SYT13: variants seen among roughly 807,000 people sequenced by gnomAD.
SYT13 encodes the protein synaptotagmin-13.
In SYT13, 21 loss-of-function variants were observed where a neutral mutation model predicts 38.6. The ratio of observed to expected loss-of-function variants is 0.54; its 90% CI spans 0.39 to 0.78. The LOEUF (loss-of-function observed/expected upper bound fraction) is 0.78, where lower values mean the gene tolerates loss of function less well. Among genes scored for constraint, SYT13 ranks in the 30% least tolerant of loss-of-function variants. The probability of loss-of-function intolerance (pLI) is 0.00; values close to 1 mark genes in which losing one functional copy is unlikely to be tolerated. For synonymous variants in SYT13, 241 were observed against 237.6 expected, an observed-to-expected ratio of 1.01 and a Z score of -0.13; for missense variants, 495 against 548.7, an observed-to-expected ratio of 0.90 and a Z score of 0.98.
chr11:45,251,777 C>A (rs1012238815), intron 4 of SYT13, among the ~76,000 whole-genome samples: 1 of 152,182 alleles, frequency 6.6e-6, no homozygotes, highest in Admixed American at 6.5e-5. Context: ...TTGTGGCCCC[C>A]CAACAGCAGA....
In SYT13 at chr11:45,286,055, C is replaced by T. The variant is rs573392398; in HGVS notation, c.153G>A (p.Ala51=). 2.5e-6 allele frequency: 4 copies of T among 1,609,556 alleles called. No individual in the cohort carries two copies. Among genetic ancestry groups the T allele is most frequent in the East Asian group, 2.2e-5 (1 of 44,806 alleles). Residue 51 remains alanine (A), a synonymous_variant, in exon 1 of 6, where the codon GCG becomes GCA. Coordinates refer to ENST00000020926, the MANE Select transcript of SYT13 (RefSeq NM_020826.3). The part of the protein sequence containing the change: ...PRDQDPDLEK[A]KPSLLGSAQQ... ...GTGCAGACCCGAGCAAGCTGGGCTTCGCCTTCTCCAGGTCGGGGTCCTGGT... is the reference window on the plus strand; with the variant it reads ...GTGCAGACCCGAGCAAGCTGGGCTTTGCCTTCTCCAGGTCGGGGTCCTGGT...
intron 1 of SYT13, among the ~76,000 whole-genome samples, chr11:45,275,256 G>C (rs576298161): frequency 6.6e-6 from 1 of 152,222 alleles, no homozygotes; most frequent in East Asian, 1.9e-4. Flanking sequence ...AGCATGTCTT[G>C]GACTTAATGA....
chr11:45,286,145 G>A lies in SYT13; in HGVS notation c.63C>T (p.Leu21=), dbSNP rs1313775873. Residue 21 remains leucine (L), a synonymous_variant, in exon 1 of 6, where the codon CTC becomes CTT. Transcript: ENST00000020926. ...ACAGGCAGGTGACCCCGCACAACGCGAGGATGCTGGTGGCTGTGCCCAGCG... is the reference window on the plus strand; with the variant it reads ...ACAGGCAGGTGACCCCGCACAACGCAAGGATGCTGGTGGCTGTGCCCAGCG... ...GATLGTATSI[L]ALCGVTCLCR... 1.9e-6 allele frequency: 3 copies of A among 1,593,804 alleles called. No individual in the cohort carries two copies. The highest frequency in any genetic ancestry group is 2.3e-5 in the East Asian group (1 of 44,222).
intron 1 of SYT13, among the ~76,000 whole-genome samples, chr11:45,278,525 A>G (rs958023826): frequency 6.6e-6 from 1 of 151,856 alleles, no homozygotes; most frequent in Non-Finnish European, 1.5e-5. Flanking sequence ...TTCCTTCGTC[A>G]TGATCCAATG....
intron 1 of SYT13, among the ~76,000 whole-genome samples, chr11:45,271,488 A>G (rs1392087970): frequency 6.6e-6 from 1 of 152,136 alleles, no homozygotes; most frequent in Non-Finnish European, 1.5e-5. Context: ...CATGCTTAGG[A>G]CATGGTGAGT....
At position 45,252,261 on chromosome 11, in the gene SYT13, G is replaced by C. The variant is rs1426044421; in HGVS notation, c.846+160C>G. Among the ~76,000 whole-genome samples, 1 of 152,186 alleles carries C rather than the reference G, an allele frequency of 6.6e-6. No individual in the cohort carries two copies. Among genetic ancestry groups the C allele is most frequent in the Non-Finnish European group, 1.5e-5 (1 of 68,018 alleles). On this transcript the variant is annotated intron_variant, in intron 4 of 5. Coordinates refer to ENST00000020926, the MANE Select transcript of SYT13 (RefSeq NM_020826.3). This position sits in a 1 kb window ranked among gnomAD's most constrained non-coding sequence, Gnocchi z 4.3. ...GATCCTGGGCTATGGGTCTCCTCTA[G>C]CCCTCTGCCCCATTCAAGATTCCAA...
At chr11:45,258,174 C>A (rs1255111648) in intron 1 of SYT13, among the ~76,000 whole-genome samples, 2 of 152,214 alleles carry the variant, frequency 1.3e-5, no homozygotes, top group Non-Finnish European at 2.9e-5. Flanking sequence ...AAGCCCACTG[C>A]CCCCATGGCT....
chr11:45,254,382 G>A lies in SYT13; in HGVS notation c.432C>T (p.Val144=). The A allele has an allele frequency of 6.2e-7, 1 of 1,613,446 alleles. No individual in the cohort carries two copies. Among genetic ancestry groups the A allele is most frequent in the Non-Finnish European group, 8.5e-7 (1 of 1,179,744 alleles). ...PQNGVVEDVC[V]METWNPEKAA... Reference sequence around the variant, plus strand: ...CCTTCTCTGGGTTCCAGGTCTCCATGACACAGACATCCTCCACCACACCTG... The same window carrying A: ...CCTTCTCTGGGTTCCAGGTCTCCATAACACAGACATCCTCCACCACACCTG... Residue 144 remains valine (V), a synonymous_variant, in exon 3 of 6, where the codon GTC becomes GTT. Coordinates refer to ENST00000020926, the MANE Select transcript of SYT13 (RefSeq NM_020826.3).
intron 1 of SYT13, among the ~76,000 whole-genome samples, chr11:45,281,771 A>C (rs1855077248): frequency 6.6e-6 from 1 of 152,174 alleles, no homozygotes; most frequent in South Asian, 2.1e-4. Flanking sequence ...CACTGGGGTC[A>C]CCCAGGGGAC....
chr11:45,248,652 A>C (rs1181788860), intron 4 of SYT13, among the ~76,000 whole-genome samples: 1 of 152,186 alleles, frequency 6.6e-6, no homozygotes, highest in Non-Finnish European at 1.5e-5. Flanking sequence ...CAGAGAGGTG[A>C]CTGCAGAGTT....
intron 5 of SYT13, among the ~76,000 whole-genome samples, chr11:45,244,971 T>C (rs1412950082): frequency 6.6e-6 from 1 of 152,138 alleles, no homozygotes; most frequent in Non-Finnish European, 1.5e-5. Flanking sequence ...ACCAGAAAAA[T>C]GAAGCCAGCT....
rs775492542 is a variant in SYT13, at chr11:45,255,901, C to A, written c.184-10G>T. 6.2e-7 allele frequency: 1 copy of A among 1,613,858 alleles called. No individual in the cohort carries two copies. Among genetic ancestry groups the A allele is most frequent in the South Asian group, 1.1e-5 (1 of 91,032 alleles). On this transcript the variant is annotated splice_polypyrimidine_tract_variant and intron_variant, in intron 1 of 5. Transcript: ENST00000020926. ...ACTTTTTAACATTGAACTGCAAACA[C>A]AAATTACTCTGATTAGTCCACAAAG...
intron 1 of SYT13, among the ~76,000 whole-genome samples, chr11:45,267,780 G>GTA (rs919879206): frequency 2.2e-4 from 34 of 152,294 alleles, no homozygotes; most frequent in Admixed American, 3.3e-4. Flanking sequence ...GGGAGTGGGA[G>GTA]AGAGGTGACA....
At position 45,258,821 on chromosome 11, in the gene SYT13, G is replaced by T. The variant is rs148950470; in HGVS notation, c.184-2930C>A. 2.8e-4 allele frequency among the ~76,000 whole-genome samples: 43 copies of T among 152,278 alleles called. No individual in the cohort carries two copies. The East Asian group carries it at 7.9e-3, about 28-fold the overall frequency. On this transcript the variant is annotated intron_variant, in intron 1 of 5. Coordinates refer to ENST00000020926, the MANE Select transcript of SYT13 (RefSeq NM_020826.3). Reference sequence around the variant, plus strand: ...CTGTGCTTCTGACAGCAGATGCTCAGGGTCCTTGGAGGAGACACACAGAGC... The same window carrying T: ...CTGTGCTTCTGACAGCAGATGCTCATGGTCCTTGGAGGAGACACACAGAGC...
intron 1 of SYT13, among the ~76,000 whole-genome samples, chr11:45,267,087 C>A (rs1455813732): frequency 6.6e-6 from 1 of 152,192 alleles, no homozygotes; most frequent in African/African-American, 2.4e-5. Context: ...ATAGGAAGTA[C>A]AAATATTGTC....
intron 1 of SYT13, among the ~76,000 whole-genome samples, chr11:45,281,052 C>CGGGCATG (rs902589149): frequency 1.3e-5 from 2 of 151,780 alleles, no homozygotes; most frequent in African/African-American, 4.8e-5. Context: ...AAAGATTAGC[C>CGGGCATG]GGGCATGGTG....
chr11:45,280,218 G>T (rs1855055717), intron 1 of SYT13, among the ~76,000 whole-genome samples: 1 of 152,186 alleles, frequency 6.6e-6, no homozygotes, highest in South Asian at 2.1e-4. Context: ...AGAGGACTAA[G>T]GAAGAGGAGA....
chr11:45,260,952 G>C (rs369228117), intron 1 of SYT13, among the ~76,000 whole-genome samples: 52 of 152,234 alleles, frequency 3.4e-4, no homozygotes, highest in African/African-American at 1.1e-3. Context: ...GAGACACCAG[G>C]GACACTCTGT....
In SYT13 at chr11:45,252,173, G is replaced by A. The variant is rs151157047; in HGVS notation, c.846+248C>T. ...CACACAGCATGGCATTTTCCATGAC[G>A]GCAGAGAGAGTCTTTGCATGGCAAG... is the stretch of plus-strand genomic sequence containing the variant. On this transcript the variant is annotated intron_variant, in intron 4 of 5. Transcript: ENST00000020926. This position sits in a 1 kb window ranked among gnomAD's most constrained non-coding sequence, Gnocchi z 4.3. 0.01 allele frequency among the ~76,000 whole-genome samples: 1,540 copies of A among 152,240 alleles called. 11 individuals are homozygous for A. Among genetic ancestry groups the A allele is most frequent in the Non-Finnish European group, 0.018 (1,220 of 68,002 alleles).
Sources: allele counts gnomAD v4.1 joint callset (sites outside exome capture counted in the v4.1 genomes callset), GRCh38; gene constraint gnomAD v4.1.1; non-coding constraint Gnocchi (gnomAD v3.1); transcripts MANE v1.5; gene names NCBI Gene and HGNC (gene_info 2026-07-23, HGNC 2026-07-21).